Variants in MRPS35 observed in about 807,000 individuals in gnomAD.
The protein encoded by MRPS35 is mitochondrial ribosomal protein S35.
A neutral mutation model predicts 32.7 loss-of-function variants in MRPS35; 29 were observed. The ratio of observed to expected loss-of-function variants is 0.89; its 90% CI spans 0.66 to 1.21. The LOEUF (loss-of-function observed/expected upper bound fraction) is 1.21. Ranked by LOEUF, MRPS35 falls within the 50% of genes most tolerant of loss-of-function variation. The pLI, the probability that MRPS35 is intolerant of heterozygous loss-of-function variation, is 0.00. For missense variants in MRPS35, 373 were observed against 383.8 expected, an observed-to-expected ratio of 0.97 and a Z score of 0.23; for synonymous variants, 148 against 139.3, an observed-to-expected ratio of 1.06 and a Z score of -0.44.
intron 1 of MRPS35, among the ~76,000 whole-genome samples, chr12:27,714,058 G>C (rs2061839155): frequency 7.1e-6 from 1 of 141,766 alleles, no homozygotes; most frequent in Non-Finnish European, 1.5e-5. Flanking sequence ...CTGGGCGAGA[G>C]TGAGATGACC....
chr12:27,755,185 C>G lies in MRPS35; in HGVS notation c.707C>G (p.Thr236Ser). 1.3e-6 allele frequency: 2 copies of G among 1,522,924 alleles called. No homozygotes were observed. Among genetic ancestry groups the G allele is most frequent in the Non-Finnish European group, 1.8e-6 (2 of 1,142,638 alleles). 94.3% of individuals were successfully genotyped at this position (1,522,924 alleles called of 1,614,324 possible). The change falls in exon 8 of 8, where the codon ACT (threonine) becomes AGT (serine). Residue 236 changes from threonine (T) to serine (S), a missense_variant. Transcript: ENST00000081029. ...TTTTGTTTTGTTTTGTTTCAGAATACTGAAGAATGGGAAAAAAGTAAGACT... is the reference window on the plus strand; with the variant it reads ...TTTTGTTTTGTTTTGTTTCAGAATAGTGAAGAATGGGAAAAAAGTAAGACT... ...LTVLYHESWN[T>S]EEWEKSKTEA...
At chr12:27,733,289 T>C (rs907516922) in intron 5 of MRPS35, among the ~76,000 whole-genome samples, 2 of 152,110 alleles carry the variant, frequency 1.3e-5, no homozygotes, top group Non-Finnish European at 2.9e-5. Flanking sequence ...GAAATATTTA[T>C]GATTTTTGGC....
rs576077283 is a variant in MRPS35, at chr12:27,749,216, A to G, written c.703-5965A>G. Among the ~76,000 whole-genome samples, 14 of 152,204 alleles carry G rather than the reference A, an allele frequency of 9.2e-5. 1 individual carries two copies. In the South Asian group the frequency reaches 1.9e-3, roughly 20 times the overall value. On this transcript the variant is annotated intron_variant, in intron 7 of 7. Coordinates refer to ENST00000081029, the MANE Select transcript of MRPS35 (RefSeq NM_021821.4). ...TTTAAAATTGCAACCTGCTGATACT[A>G]TATCAGAATTCAATTCTGGATTATT...
intron 4 of MRPS35, among the ~76,000 whole-genome samples, chr12:27,722,908 T>G (rs917443338): frequency 9.2e-5 from 14 of 152,190 alleles, no homozygotes; most frequent in Non-Finnish European, 1.9e-4. Flanking sequence ...GTTCCTATTA[T>G]AAGAAAATCG....
chr12:27,736,911 C>CT (rs1277419400), intron 6 of MRPS35, among the ~76,000 whole-genome samples: 13 of 152,300 alleles, frequency 8.5e-5, no homozygotes, highest in Admixed American at 3.3e-4. Flanking sequence ...GAGTCTCACT[C>CT]TGTCACCCAG....
In MRPS35 at chr12:27,716,355, C is replaced by G. The variant is rs1025728344; in HGVS notation, c.218C>G (p.Ala73Gly). 2.5e-6 allele frequency: 4 copies of G among 1,614,154 alleles called. No homozygotes were observed. Among genetic ancestry groups the G allele is most frequent in the Non-Finnish European group, 3.4e-6 (4 of 1,180,020 alleles). Residue 73 changes from alanine to glycine, a missense_variant, in exon 3 of 8, where the codon GCA becomes GGA. Coordinates refer to ENST00000081029, the MANE Select transcript of MRPS35 (RefSeq NM_021821.4). ...DQDWPSVYPV[A>G]APFKPSAVPL... ...GACTGGCCTAGTGTTTACCCAGTTG[C>G]AGCACCATTTAAACCCTCTGCAGTA...
At chr12:27,723,451 C>A (rs1385342011) in intron 4 of MRPS35, among the ~76,000 whole-genome samples, 1 of 152,100 alleles carries the variant, frequency 6.6e-6, no homozygotes, top group Non-Finnish European at 1.5e-5. Context: ...TCCATTTAAC[C>A]CCATTGGCAC....
chr12:27,726,272 C>G (rs921257281), intron 5 of MRPS35, among the ~76,000 whole-genome samples: 1 of 152,052 alleles, frequency 6.6e-6, no homozygotes, highest in African/African-American at 2.4e-5. Flanking sequence ...AATATGTTTT[C>G]TTTCACTTAG....
intron 2 of MRPS35, among the ~76,000 whole-genome samples, 172 bp from the exon 3 acceptor site, chr12:27,716,119 T>C (rs2061849339): frequency 6.6e-6 from 1 of 152,160 alleles, no homozygotes; most frequent in Non-Finnish European, 1.5e-5. Flanking sequence ...GTAGATTTAG[T>C]GTTGTTTTTA....
At chr12:27,735,585 T>A in intron 6 of MRPS35, 29 bp downstream of exon 6, 1 of 1,510,198 alleles carries the variant, frequency 6.6e-7, no homozygotes, top group Non-Finnish European at 9.2e-7. Flanking sequence ...AGCCGACTGG[T>A]CACGTGTGTT....
intron 5 of MRPS35, among the ~76,000 whole-genome samples, chr12:27,724,584 A>G (rs1206913996): frequency 6.6e-6 from 1 of 152,112 alleles, no homozygotes; most frequent in Non-Finnish European, 1.5e-5. Context: ...CTCTACTAAA[A>G]ATACAAAAAT....
chr12:27,732,609 A>T (rs747523514), intron 5 of MRPS35, among the ~76,000 whole-genome samples: 1 of 152,224 alleles, frequency 6.6e-6, no homozygotes, highest in African/African-American at 2.4e-5. Flanking sequence ...AAGGTAGTCA[A>T]CTGTTAGAAA....
At chr12:27,724,647 G>A (rs2061892355) in intron 5 of MRPS35, among the ~76,000 whole-genome samples, 1 of 152,052 alleles carries the variant, frequency 6.6e-6, no homozygotes, top group African/African-American at 2.4e-5. Context: ...GGAGGCTGAG[G>A]CAGGAGAATT....
intron 5 of MRPS35, among the ~76,000 whole-genome samples, chr12:27,728,774 TA>T (rs2140765570): frequency 6.6e-6 from 1 of 152,272 alleles, no homozygotes; most frequent in South Asian, 2.1e-4. Flanking sequence ...TAACATTTCC[TA>T]TCTTCTGAAT....
intron 7 of MRPS35, among the ~76,000 whole-genome samples, chr12:27,739,022 G>A (rs1165532581): frequency 2.6e-5 from 4 of 151,516 alleles, no homozygotes; most frequent in South Asian, 4.2e-4. Context: ...TATTCTTCCC[G>A]AGTAGCCAGG....
At chr12:27,741,407 A>G (rs183682476) in intron 7 of MRPS35, among the ~76,000 whole-genome samples, 146 of 152,264 alleles carry the variant, frequency 9.6e-4, no homozygotes, top group Middle Eastern at 3.4e-3. Context: ...GAATTTGTGT[A>G]AAGTGTCTGG....
chr12:27,714,634 CAAA>C (rs531429538), intron 1 of MRPS35, 143 bp from the exon 2 acceptor site: 4,435 of 351,904 alleles, frequency 0.013, no homozygotes, highest in South Asian at 0.017. Context: ...CTGAGCTTAC[CAAA>C]AAAAAAAAAA....
intron 3 of MRPS35, among the ~76,000 whole-genome samples, chr12:27,719,553 C>A (rs1030048563): frequency 6.6e-6 from 1 of 151,642 alleles, no homozygotes; most frequent in African/African-American, 2.4e-5. Context: ...GTAGTCCCAG[C>A]TACTCGGGAG....
intron 7 of MRPS35, among the ~76,000 whole-genome samples, chr12:27,747,269 C>G (rs574288471): frequency 6.6e-6 from 1 of 152,304 alleles, no homozygotes; most frequent in African/African-American, 2.4e-5. Flanking sequence ...TGTAACATCT[C>G]TGTTTCCTGC....
Sources: allele counts gnomAD v4.1 joint callset (sites outside exome capture counted in the v4.1 genomes callset), GRCh38; gene constraint gnomAD v4.1.1; transcripts MANE v1.5; gene names NCBI Gene and HGNC (gene_info 2026-07-23, HGNC 2026-07-21).